NELL1: variants seen among roughly 807,000 people sequenced by gnomAD.
NELL1 encodes the protein protein kinase C-binding protein NELL1.
Under a neutral mutation model 107.4 loss-of-function variants are expected in NELL1, and 76 were observed. That is an observed-to-expected ratio of 0.71 (90% CI 0.59 to 0.86). The LOEUF is 0.86. Among genes scored for constraint, NELL1 ranks in the 40% least tolerant of loss-of-function variants. NELL1 has a pLI of 0.00. For missense variants in NELL1, 1,024 were observed against 1,005.5 expected (o/e 1.02, Z -0.25); for synonymous variants, 353 against 341.2 (o/e 1.03, Z -0.38).
At chr11:21,327,181 G>A (rs559836886) in intron 14 of NELL1, among the ~76,000 whole-genome samples, 3 of 108,574 alleles carry the variant, frequency 2.8e-5, no homozygotes, top group Non-Finnish European at 5.7e-5. Flanking sequence ...TTTTTTTTGT[G>A]GGGGGGACTG....
At chr11:20,763,951 A>C (rs1856478339) in intron 2 of NELL1, among the ~76,000 whole-genome samples, 1 of 152,234 alleles carries the variant, frequency 6.6e-6, no homozygotes, top group Non-Finnish European at 1.5e-5. Flanking sequence ...AGTGATGTGC[A>C]CTGGCAAGGT....
intron 14 of NELL1, among the ~76,000 whole-genome samples, chr11:21,276,497 C>T (rs1244853666): frequency 6.6e-6 from 1 of 152,098 alleles, no homozygotes; most frequent in African/African-American, 2.4e-5. Context: ...GATTCAGTGC[C>T]ATCACCATCA....
intron 1 of NELL1, among the ~76,000 whole-genome samples, chr11:20,675,302 A>T (rs1367493598): frequency 6.6e-6 from 1 of 152,192 alleles, no homozygotes; most frequent in Non-Finnish European, 1.5e-5. Context: ...GGCTGTGGAT[A>T]TGAGAGGGGT....
chr11:20,703,956 G>C (rs999559356), intron 2 of NELL1, among the ~76,000 whole-genome samples: 2 of 152,178 alleles, frequency 1.3e-5, no homozygotes, highest in African/African-American at 4.8e-5. Flanking sequence ...AGTGTGATGT[G>C]GTGCTGAGAA....
chr11:21,326,077 TTTTTG>T (rs776334772), intron 14 of NELL1, among the ~76,000 whole-genome samples: 6,518 of 63,708 alleles, frequency 0.1, 367 homozygotes, highest in Non-Finnish European at 0.15. Flanking sequence ...TTTTTTTTTT[TTTTTG>T]GGCTATTTTG....
intron 12 of NELL1, among the ~76,000 whole-genome samples, chr11:21,007,317 C>T (rs1375945166): frequency 1.3e-5 from 2 of 152,034 alleles, no homozygotes; most frequent in Non-Finnish European, 2.9e-5. Context: ...CTGCAGAAGA[C>T]ATAATAACAT....
At chr11:21,300,434 G>A (rs1849468913) in intron 14 of NELL1, among the ~76,000 whole-genome samples, 1 of 151,996 alleles carries the variant, frequency 6.6e-6, no homozygotes, top group Admixed American at 6.6e-5. Context: ...TCTGGGCTAG[G>A]ACATGGGTTT....
chr11:21,476,503 C>T (rs976105484), intron 15 of NELL1, among the ~76,000 whole-genome samples: 2 of 152,040 alleles, frequency 1.3e-5, no homozygotes, highest in African/African-American at 4.8e-5. Flanking sequence ...ATATCATGGG[C>T]ACTGACTTTG....
chr11:21,470,503 C>G (rs925943050), intron 15 of NELL1, among the ~76,000 whole-genome samples: 3 of 152,070 alleles, frequency 2.0e-5, no homozygotes, highest in Admixed American at 2.0e-4. Flanking sequence ...CTGCTCTTTG[C>G]AAACTTAGCT....
chr11:20,980,881 T>TA (rs1336513853), intron 12 of NELL1, among the ~76,000 whole-genome samples: 3 of 152,154 alleles, frequency 2.0e-5, no homozygotes, highest in Admixed American at 2.0e-4. Flanking sequence ...GCCAAGGAGT[T>TA]ATGAACAGAA....
chr11:20,918,725 A>G (rs1054069389), intron 6 of NELL1, among the ~76,000 whole-genome samples: 4 of 151,976 alleles, frequency 2.6e-5, no homozygotes, highest in African/African-American at 7.2e-5. Flanking sequence ...ATTATTTCCA[A>G]CTGGGTCCCT....
chr11:21,368,800 G>A (rs764112766), intron 14 of NELL1, among the ~76,000 whole-genome samples: 9 of 151,968 alleles, frequency 5.9e-5, no homozygotes, highest in Non-Finnish European at 1.2e-4. Context: ...GTCCGTGTCC[G>A]TGTTTCACAG....
chr11:20,764,661 A>T (rs1036406675), intron 2 of NELL1, among the ~76,000 whole-genome samples: 1 of 149,434 alleles, frequency 6.7e-6, no homozygotes, highest in Non-Finnish European at 1.5e-5. Context: ...AATCACATTT[A>T]AAAAATGTTA....
At chr11:21,560,992 G>T (rs913191917) in intron 17 of NELL1, among the ~76,000 whole-genome samples, 2 of 152,020 alleles carry the variant, frequency 1.3e-5, no homozygotes, top group African/African-American at 4.8e-5. Flanking sequence ...GTCATCATTT[G>T]GTTTTGCTTT....
intron 15 of NELL1, among the ~76,000 whole-genome samples, chr11:21,527,376 C>T (rs545961082): frequency 2.0e-5 from 3 of 152,304 alleles, no homozygotes; most frequent in East Asian, 3.9e-4. Context: ...AAGTTCCAAA[C>T]TTTCCCACAT....
chr11:21,121,133 A>C lies in NELL1; in HGVS notation c.1426+7419A>C, dbSNP rs189550474. Reference sequence around the variant, plus strand: ...TAAAAGTAATTCTAATGTCCAGTCAAGGTCAAGAGCCACTGCTTTAGCATA... The same window carrying C: ...TAAAAGTAATTCTAATGTCCAGTCACGGTCAAGAGCCACTGCTTTAGCATA... On this transcript the variant is annotated intron_variant, in intron 13 of 19. Coordinates refer to ENST00000357134, the MANE Select transcript of NELL1 (RefSeq NM_006157.5). Among the ~76,000 whole-genome samples, 10 of 152,314 alleles carry C rather than the reference A, an allele frequency of 6.6e-5. No individual in the cohort carries two copies. In the East Asian group the frequency reaches 1.9e-3, roughly 29 times the overall value.
Position 21,221,989 on chromosome 11 carries a change from C to T in NELL1, c.1427-7343C>T, listed in dbSNP as rs190263939. On this transcript the variant is annotated intron_variant, in intron 13 of 19. Coordinates refer to ENST00000357134, the MANE Select transcript of NELL1 (RefSeq NM_006157.5). The stretch of plus-strand genomic sequence containing the variant: ...GATTACAGACATCAACCACTGTATC[C>T]GGCCTAGTTGAATGATTCTTTATAT... Among the ~76,000 whole-genome samples, 18 of 151,970 alleles carry T rather than the reference C, an allele frequency of 1.2e-4. No individual in the cohort carries two copies. In the East Asian group the frequency reaches 2.1e-3, roughly 18 times the overall value.
intron 16 of NELL1, among the ~76,000 whole-genome samples, chr11:21,547,015 G>A (rs1249905341): frequency 5.9e-5 from 9 of 151,972 alleles, no homozygotes; most frequent in Admixed American, 3.9e-4. Flanking sequence ...AGAGGAATAT[G>A]ACACAGTCTT....
At chr11:21,046,400 A>G (rs1417195036) in intron 12 of NELL1, among the ~76,000 whole-genome samples, 3 of 152,156 alleles carry the variant, frequency 2.0e-5, no homozygotes, top group Non-Finnish European at 4.4e-5. Flanking sequence ...GTTTCAGCCT[A>G]GATTGGGTTT....
Sources: gnomAD v4.1 joint callset for allele counts (sites outside exome capture counted in the v4.1 genomes callset) on GRCh38, gnomAD v4.1.1 for gene constraint, MANE v1.5 for transcripts, NCBI Gene and HGNC (gene_info 2026-07-23, HGNC 2026-07-21) for gene names.